TNKS: variants seen among roughly 807,000 people sequenced by gnomAD.
TNKS encodes the protein tankyrase.
In TNKS, 72 loss-of-function variants were observed where a neutral mutation model predicts 135.8. The ratio of observed to expected loss-of-function variants is 0.53; its 90% confidence interval spans 0.44 to 0.64. TNKS has a LOEUF of 0.64. TNKS is among the 30% of genes least tolerant of loss of function. TNKS has a pLI of 0.00. For missense variants in TNKS, 1,769 were observed against 1,674.0 expected, an observed-to-expected ratio of 1.06 and a Z score of -0.99; for synonymous variants, 849 against 649.3, an observed-to-expected ratio of 1.31 and a Z score of -4.68.
intron 3 of TNKS, among the ~76,000 whole-genome samples, chr8:9,628,380 G>C (rs1473228534): frequency 6.6e-6 from 1 of 151,894 alleles, no homozygotes; most frequent in Non-Finnish European, 1.5e-5. Context: ...TTCTCCCTGA[G>C]TTTTTTAAGA....
rs370028506 is a variant in TNKS at position 9,770,175 on chromosome 8, C to T, written c.3810C>T (p.His1270=). Reference sequence around the variant, plus strand: ...AGTTTAGCACCATGAAAATGGCCCACGCGCCTCCAGGGCACCACTCAGTCA... The same window carrying T: ...AGTTTAGCACCATGAAAATGGCCCATGCGCCTCCAGGGCACCACTCAGTCA... ...FLQFSTMKMA[H]APPGHHSVIG... Residue 1270 remains histidine (H), a synonymous_variant, in exon 26 of 27, where the codon CAC becomes CAT. Coordinates refer to ENST00000310430, the MANE Select transcript of TNKS (RefSeq NM_003747.3). 392 of 1,613,430 alleles carry T rather than the reference C, an allele frequency of 2.4e-4. No individual in the cohort carries two copies. The highest frequency in any genetic ancestry group is 7.0e-4 in the Admixed American group (42 of 60,024).
At chr8:9,769,494 G>A (rs1241190521) in intron 25 of TNKS, among the ~76,000 whole-genome samples, 2 of 151,784 alleles carry the variant, frequency 1.3e-5, no homozygotes, top group African/African-American at 2.4e-5. Context: ...TTAATTTCAG[G>A]TGTTGTTTCC....
rs945268569 is a variant in TNKS, at chr8:9,751,722, C to T, written c.2946C>T (p.Thr982=). 1.8e-5 allele frequency: 29 copies of T among 1,614,066 alleles called. No homozygotes were observed. The highest frequency in any genetic ancestry group is 4.5e-5 in the East Asian group (2 of 44,896). The change falls in exon 19 of 27, where the codon ACC becomes ACT. Residue 982 remains threonine (T), a synonymous_variant. Coordinates refer to ENST00000310430, the MANE Select transcript of TNKS (RefSeq NM_003747.3). ...CCTCTCTGATCTCACCAGCATCCAC[C>T]CCCTCCTGCCTCTCGGCTGCCAGCA... ...VSASLISPAS[T]PSCLSAASSI...
intron 1 of TNKS, 63 bp from the exon 2 acceptor site, chr8:9,580,096 A>G (rs981709254): frequency 7.2e-7 from 1 of 1,388,690 alleles, no homozygotes; most frequent in African/African-American, 1.4e-5. Context: ...TGTTACAGAT[A>G]TTCTAATGGT....
intron 3 of TNKS, among the ~76,000 whole-genome samples, chr8:9,653,465 A>C (rs548987177): frequency 6.6e-6 from 1 of 152,044 alleles, no homozygotes; most frequent in Admixed American, 6.5e-5. Flanking sequence ...GGGCAGCTGC[A>C]TTTGATCAGC....
chr8:9,583,425 C>T (rs1325698540), intron 2 of TNKS, among the ~76,000 whole-genome samples: 2 of 152,116 alleles, frequency 1.3e-5, no homozygotes, highest in Non-Finnish European at 2.9e-5. Context: ...ATCTTTGCTT[C>T]TCCCTACCCC....
chr8:9,666,152 T>C (rs1347018518), intron 3 of TNKS, among the ~76,000 whole-genome samples: 1 of 152,216 alleles, frequency 6.6e-6, no homozygotes, highest in African/African-American at 2.4e-5. Flanking sequence ...ATGATGGTTT[T>C]AGATGTGCAC....
intron 5 of TNKS, among the ~76,000 whole-genome samples, chr8:9,692,354 G>A (rs965520049): frequency 3.9e-5 from 6 of 152,110 alleles, no homozygotes; most frequent in African/African-American, 1.2e-4. Context: ...CATCCATGTC[G>A]CTGTAAAGGT....
At chr8:9,592,578 G>A (rs1798626884) in intron 2 of TNKS, among the ~76,000 whole-genome samples, 1 of 152,116 alleles carries the variant, frequency 6.6e-6, no homozygotes, top group South Asian at 2.1e-4. Flanking sequence ...AACTGAATCA[G>A]GTAAGGTGTG....
At chr8:9,776,258 G>T (rs1453703950) in intron 26 of TNKS, among the ~76,000 whole-genome samples, 1 of 152,110 alleles carries the variant, frequency 6.6e-6, no homozygotes, top group East Asian at 1.9e-4. Flanking sequence ...ATTTGGACTG[G>T]ATTCAGCAAA....
At chr8:9,681,418 C>A (rs924594295) in intron 5 of TNKS, among the ~76,000 whole-genome samples, 1 of 152,110 alleles carries the variant, frequency 6.6e-6, no homozygotes. Context: ...GCTTCATTAT[C>A]TACTTTGTAT....
chr8:9,592,322 G>C (rs562531324), intron 2 of TNKS, among the ~76,000 whole-genome samples: 21 of 152,204 alleles, frequency 1.4e-4, no homozygotes, highest in Middle Eastern at 6.8e-3. Context: ...AGGATCAAAA[G>C]ACTCACAGAT....
intron 2 of TNKS, among the ~76,000 whole-genome samples, chr8:9,588,316 C>T (rs1224603450): frequency 6.6e-6 from 1 of 151,984 alleles, no homozygotes. Context: ...GCTCTGTCGC[C>T]CAGGCTGGAG....
intron 2 of TNKS, among the ~76,000 whole-genome samples, chr8:9,602,257 C>A (rs1052817699): frequency 6.6e-6 from 1 of 152,070 alleles, no homozygotes; most frequent in African/African-American, 2.4e-5. Flanking sequence ...TGATTACTTA[C>A]GTAGACAGCA....
intron 2 of TNKS, among the ~76,000 whole-genome samples, chr8:9,604,163 G>A (rs1799130882): frequency 6.6e-6 from 1 of 152,072 alleles, no homozygotes; most frequent in Non-Finnish European, 1.5e-5. Flanking sequence ...ATGCATTATA[G>A]GCACATTACC....
chr8:9,567,298 C>G (rs545822707), intron 1 of TNKS, among the ~76,000 whole-genome samples: 27 of 152,280 alleles, frequency 1.8e-4, no homozygotes, highest in African/African-American at 6.5e-4. Flanking sequence ...TTGGGACTAT[C>G]TGGTCTTTTG....
At chr8:9,639,874 A>G (rs1161977414) in intron 3 of TNKS, among the ~76,000 whole-genome samples, 1 of 152,224 alleles carries the variant, frequency 6.6e-6, no homozygotes, top group African/African-American at 2.4e-5. Context: ...TTCTACATAT[A>G]TCTTCCAGTA....
At chr8:9,635,273 C>T (rs563558150) in intron 3 of TNKS, among the ~76,000 whole-genome samples, 1 of 151,984 alleles carries the variant, frequency 6.6e-6, no homozygotes, top group Non-Finnish European at 1.5e-5. Context: ...TGAACATATC[C>T]GGGATAGTTT....
chr8:9,770,682 C>T (rs1300302081), intron 26 of TNKS, among the ~76,000 whole-genome samples: 1 of 152,082 alleles, frequency 6.6e-6, no homozygotes, highest in African/African-American at 2.4e-5. Flanking sequence ...AAATGAATAC[C>T]ATAACTACAA....
Sources: gnomAD v4.1 joint callset for allele counts (sites outside exome capture counted in the v4.1 genomes callset) on GRCh38, gnomAD v4.1.1 for gene constraint, MANE v1.5 for transcripts, NCBI Gene and HGNC (gene_info 2026-07-23, HGNC 2026-07-21) for gene names.